CRACR2A: variants seen among roughly 807,000 people sequenced by gnomAD.
The protein encoded by CRACR2A is EF-hand calcium-binding domain-containing protein 4B.
CRACR2A carries 79 observed loss-of-function variants against 90.5 expected under a neutral mutation model. The ratio of observed to expected loss-of-function variants is 0.87; its 90% CI spans 0.73 to 1.05. CRACR2A has a LOEUF of 1.05. Ranked by LOEUF, CRACR2A falls within the 50% of genes least tolerant of loss-of-function variation. CRACR2A has a pLI of 0.00. For missense variants in CRACR2A, 823 were observed against 897.2 expected (o/e 0.92, Z 1.06); for synonymous variants, 338 against 356.7 (o/e 0.95, Z 0.59).
chr12:3,642,458 TC>T (rs753709506), intron 12 of CRACR2A, among the ~76,000 whole-genome samples: 23 of 152,170 alleles, frequency 1.5e-4, no homozygotes, highest in Non-Finnish European at 2.6e-4. Context: ...TAAGTGATCC[TC>T]CTGTCTCACT....
chr12:3,667,408 G>C (rs1021207340), intron 7 of CRACR2A, among the ~76,000 whole-genome samples: 2 of 152,166 alleles, frequency 1.3e-5, no homozygotes, highest in African/African-American at 4.8e-5. Flanking sequence ...GCACGAACTG[G>C]AGCAAGGTTA....
chr12:3,694,343 G>A (rs1945702027), intron 4 of CRACR2A, among the ~76,000 whole-genome samples: 1 of 152,186 alleles, frequency 6.6e-6, no homozygotes, highest in Non-Finnish European at 1.5e-5. Context: ...CCTCCCACAT[G>A]GCCTGCAGCC....
intron 7 of CRACR2A, among the ~76,000 whole-genome samples, chr12:3,670,943 A>AG (rs2137564403): frequency 6.6e-6 from 1 of 152,320 alleles, no homozygotes; most frequent in Non-Finnish European, 1.5e-5. Context: ...CATGGCTGGC[A>AG]GGGATACTGA....
chr12:3,690,000 C>G (rs181782182), intron 4 of CRACR2A, among the ~76,000 whole-genome samples: 5 of 151,936 alleles, frequency 3.3e-5, no homozygotes, highest in Admixed American at 1.3e-4. Context: ...GTAATATTGC[C>G]TTTGCCATTA....
chr12:3,618,811 C>T (rs1254746652), intron 18 of CRACR2A, among the ~76,000 whole-genome samples: 1 of 152,142 alleles, frequency 6.6e-6, no homozygotes, highest in African/African-American at 2.4e-5. Context: ...AGTGTGTCTC[C>T]TGAGTTTATC....
chr12:3,689,779 C>CTT (rs56350961), intron 4 of CRACR2A, among the ~76,000 whole-genome samples: 14,442 of 145,764 alleles, frequency 0.099, 942 homozygotes, highest in Non-Finnish European at 0.14. Context: ...ACCAGCTTTT[C>CTT]TTTTTTTTTT....
At chr12:3,662,851 C>T (rs748810832) in intron 7 of CRACR2A, among the ~76,000 whole-genome samples, 4 of 152,166 alleles carry the variant, frequency 2.6e-5, no homozygotes, top group Non-Finnish European at 5.9e-5. Context: ...CAGCAAGGCT[C>T]GCCATATTCT....
chr12:3,750,883 G>A (rs1249089845), intron 1 of CRACR2A, among the ~76,000 whole-genome samples: 1 of 152,112 alleles, frequency 6.6e-6, no homozygotes, highest in Non-Finnish European at 1.5e-5. Flanking sequence ...CAGTGCTGGG[G>A]CCTGCCTTCT....
intron 17 of CRACR2A, among the ~76,000 whole-genome samples, chr12:3,623,876 C>G (rs938116156): frequency 1.3e-5 from 2 of 152,206 alleles, no homozygotes; most frequent in Non-Finnish European, 2.9e-5. Flanking sequence ...TTTTGGTTCC[C>G]TCTGGGCTGG....
chr12:3,687,394 T>C (rs1008786393), intron 4 of CRACR2A, among the ~76,000 whole-genome samples: 1 of 152,104 alleles, frequency 6.6e-6, no homozygotes, highest in African/African-American at 2.4e-5. Context: ...CCCTCCACCA[T>C]GTGTCCATGT....
intron 4 of CRACR2A, among the ~76,000 whole-genome samples, chr12:3,681,911 A>T (rs1945461766): frequency 6.6e-6 from 1 of 152,198 alleles, no homozygotes; most frequent in Admixed American, 6.5e-5. Context: ...GAATTGAATT[A>T]AATATGAATG....
chr12:3,704,325 T>TA (rs1238266344), intron 3 of CRACR2A, among the ~76,000 whole-genome samples: 2 of 152,104 alleles, frequency 1.3e-5, no homozygotes, highest in African/African-American at 2.4e-5. Flanking sequence ...TATAAAACTC[T>TA]AAAAAATGAA....
chr12:3,649,737 G>A (rs1013603010), intron 10 of CRACR2A, among the ~76,000 whole-genome samples: 21 of 151,942 alleles, frequency 1.4e-4, no homozygotes, highest in Non-Finnish European at 2.5e-4. Context: ...TGGCATGGAG[G>A]TGTAATCAGC....
intron 8 of CRACR2A, among the ~76,000 whole-genome samples, chr12:3,658,167 G>A (rs1040336318): frequency 9.2e-5 from 14 of 152,174 alleles, no homozygotes; most frequent in African/African-American, 2.7e-4. Context: ...CACCTACAGT[G>A]ATGCAAACTT....
At chr12:3,735,116 G>T (rs1019081336) in intron 1 of CRACR2A, among the ~76,000 whole-genome samples, 2 of 152,158 alleles carry the variant, frequency 1.3e-5, no homozygotes, top group East Asian at 1.9e-4. Flanking sequence ...TAACCAACTT[G>T]ATTGGGCTAT....
intron 4 of CRACR2A, among the ~76,000 whole-genome samples, chr12:3,693,286 A>C (rs2137682943): frequency 6.6e-6 from 1 of 152,314 alleles, no homozygotes; most frequent in African/African-American, 2.4e-5. Flanking sequence ...AGGAGCTATG[A>C]TGCGGGCCCC....
At chr12:3,670,141 C>T (rs1945214693) in intron 7 of CRACR2A, among the ~76,000 whole-genome samples, 1 of 152,150 alleles carries the variant, frequency 6.6e-6, no homozygotes, top group Non-Finnish European at 1.5e-5. Context: ...GGAGGGAGTG[C>T]TGGTTCGATG....
chr12:3,624,256 G>C (rs1156808985), intron 17 of CRACR2A, among the ~76,000 whole-genome samples: 3 of 152,178 alleles, frequency 2.0e-5, no homozygotes, highest in African/African-American at 4.8e-5. Flanking sequence ...TACTAATAAG[G>C]CTTCAGAACC....
intron 3 of CRACR2A, among the ~76,000 whole-genome samples, chr12:3,709,670 A>G (rs1221925912): frequency 1.3e-5 from 2 of 152,204 alleles, no homozygotes; most frequent in African/African-American, 4.8e-5. Context: ...CCAGTTACTC[A>G]GGAGGCTGAG....
Sources: allele counts gnomAD v4.1 joint callset (sites outside exome capture counted in the v4.1 genomes callset), GRCh38; gene constraint gnomAD v4.1.1; transcripts MANE v1.5; gene names NCBI Gene and HGNC (gene_info 2026-07-23, HGNC 2026-07-21).